MGAT4C: variants seen among roughly 807,000 people sequenced by gnomAD.
MGAT4C encodes the protein alpha-1,3-mannosyl-glycoprotein 4-beta-N-acetylglucosaminyltransferase C.
In MGAT4C, 19 loss-of-function variants were observed where a neutral mutation model predicts 40.1. The observed-to-expected ratio is 0.47, with a 90% CI of 0.33 to 0.70. The LOEUF (loss-of-function observed/expected upper bound fraction) is 0.70, where lower values mean the gene tolerates loss of function less well. Among genes scored for constraint, MGAT4C ranks in the 30% least tolerant of loss-of-function variants. The pLI, the probability that MGAT4C is intolerant of heterozygous loss-of-function variation, is 0.02. For missense variants in MGAT4C, 491 were observed against 563.2 expected (o/e 0.87, Z 1.30); for synonymous variants, 181 against 187.1 (o/e 0.97, Z 0.27).
Position 86,833,282 on chromosome 12 carries a change from A to G in MGAT4C, c.-262+5384T>C, listed in dbSNP as rs1399454619. ...TAATTTTTAAATTTTTAACAGTGAA[A>G]GAGAGGGAGGAGAAAGAGAACACAG... On this transcript the variant is annotated intron_variant, in intron 1 of 7. Transcript: ENST00000548651. Among the ~76,000 whole-genome samples, 4 of 152,006 alleles carry G rather than the reference A, an allele frequency of 2.6e-5. No individual in the cohort carries two copies. The Admixed American group carries it at 2.6e-4, about 10-fold the overall frequency.
intron 1 of MGAT4C, among the ~76,000 whole-genome samples, chr12:86,191,792 T>TGTGTGTGG (rs1889529591): frequency 2.5e-5 from 1 of 39,280 alleles, no homozygotes; most frequent in African/African-American, 1.0e-4. Flanking sequence ...GTGTGTGGTG[T>TGTGTGTGG]TTTCAGGATA....
chr12:86,029,390 A>G (rs1016764209), intron 2 of MGAT4C, among the ~76,000 whole-genome samples: 1 of 151,942 alleles, frequency 6.6e-6, no homozygotes, highest in East Asian at 1.9e-4. Context: ...TATGCTTTTT[A>G]AACAGTACAT....
chr12:86,147,565 T>G (rs1168185671), intron 1 of MGAT4C, among the ~76,000 whole-genome samples: 2 of 152,198 alleles, frequency 1.3e-5, no homozygotes, highest in Non-Finnish European at 2.9e-5. Flanking sequence ...ACAGTACATT[T>G]TTAAATATTA....
At chr12:86,564,979 A>G (rs1366090236) in intron 2 of MGAT4C, among the ~76,000 whole-genome samples, 1 of 152,148 alleles carries the variant, frequency 6.6e-6, no homozygotes, top group Non-Finnish European at 1.5e-5. Flanking sequence ...TAGGTGAATT[A>G]CAGCAGAGGC....
chr12:86,617,701 T>TG (rs1344272041), intron 2 of MGAT4C, among the ~76,000 whole-genome samples: 2 of 133,564 alleles, frequency 1.5e-5, no homozygotes, highest in Non-Finnish European at 3.2e-5. Context: ...AAAAAATAAT[T>TG]GAAAAAAAAA....
intron 3 of MGAT4C, among the ~76,000 whole-genome samples, chr12:86,357,265 C>T (rs1955336358): frequency 6.6e-6 from 1 of 152,130 alleles, no homozygotes. Context: ...AGGGTCCTGA[C>T]TATTAGAAGG....
chr12:86,162,800 C>G (rs191152901), intron 1 of MGAT4C, among the ~76,000 whole-genome samples: 2 of 152,168 alleles, frequency 1.3e-5, no homozygotes, highest in East Asian at 3.9e-4. Context: ...AGCTAAATAA[C>G]TTGTTAGTTT....
intron 1 of MGAT4C, among the ~76,000 whole-genome samples, chr12:86,783,773 T>A (rs2136186116): frequency 6.6e-6 from 1 of 152,274 alleles, no homozygotes; most frequent in East Asian, 1.9e-4. Flanking sequence ...TTTGGTACAC[T>A]TACAATCTCA....
chr12:85,988,188 T>C (rs1202554961), intron 3 of MGAT4C, among the ~76,000 whole-genome samples: 1 of 152,138 alleles, frequency 6.6e-6, no homozygotes. Context: ...AGAGAAACAT[T>C]AAGGGTCCAC....
chr12:86,123,674 T>C (rs1302908463), intron 1 of MGAT4C, among the ~76,000 whole-genome samples: 1 of 152,106 alleles, frequency 6.6e-6, no homozygotes, highest in Non-Finnish European at 1.5e-5. Context: ...TGTGAAGTTT[T>C]TCTTTGTCTG....
At position 85,963,037 on chromosome 12, in the gene MGAT4C, C is replaced by A. The variant is rs1192752604; in HGVS notation, c.*16252G>T. ...TCCAAAAGAATTTAATTAATATAAA[C>A]AATAAATTCACTTAAACAACTATTT... On this transcript the variant is annotated 3_prime_UTR_variant, in exon 5 of 5. Transcript: ENST00000611864. The A allele has an allele frequency of 6.6e-6, 1 of 151,658 alleles. No homozygotes were observed. Among genetic ancestry groups the A allele is most frequent in the African/African-American group, 2.4e-5 (1 of 41,366 alleles). The allele number at this position is 151,658 out of a possible 1,614,324, so 9.4% of individuals were successfully genotyped here.
chr12:86,260,629 T>C (rs2136095168), upstream of MGAT4C, among the ~76,000 whole-genome samples: 1 of 152,212 alleles, frequency 6.6e-6, no homozygotes, highest in East Asian at 1.9e-4. Flanking sequence ...ATAGCTCCAC[T>C]ATTAGAATTG....
At chr12:86,737,342 C>CTTTTT (rs36112885) in intron 1 of MGAT4C, among the ~76,000 whole-genome samples, 1 of 131,214 alleles carries the variant, frequency 7.6e-6, no homozygotes, top group Non-Finnish European at 1.6e-5. Context: ...AACTAAAATA[C>CTTTTT]TTTTTTTTTT....
chr12:86,570,228 G>C (rs1026346647), intron 2 of MGAT4C, among the ~76,000 whole-genome samples: 2 of 152,032 alleles, frequency 1.3e-5, no homozygotes, highest in African/African-American at 2.4e-5. Flanking sequence ...TAGTGAAGTA[G>C]TGCATATGTA....
At chr12:86,699,753 T>C (rs1403146932) in intron 2 of MGAT4C, among the ~76,000 whole-genome samples, 1 of 151,990 alleles carries the variant, frequency 6.6e-6, no homozygotes, top group Non-Finnish European at 1.5e-5. Flanking sequence ...GAGAAAAAAA[T>C]GTCATTAAGG....
intron 2 of MGAT4C, among the ~76,000 whole-genome samples, chr12:86,599,426 C>T (rs1267017968): frequency 6.6e-6 from 1 of 152,062 alleles, no homozygotes; most frequent in Non-Finnish European, 1.5e-5. Context: ...TACCTGTCTA[C>T]AAACGCAAGA....
intron 2 of MGAT4C, among the ~76,000 whole-genome samples, chr12:86,035,182 C>T (rs1891114636): frequency 6.7e-6 from 1 of 150,114 alleles, no homozygotes; most frequent in Admixed American, 6.7e-5. Flanking sequence ...ATTTACACTC[C>T]TACCAGCAGT....
At chr12:86,086,632 G>T (rs1871902455) in intron 1 of MGAT4C, among the ~76,000 whole-genome samples, 1 of 151,858 alleles carries the variant, frequency 6.6e-6, no homozygotes, top group South Asian at 2.1e-4. Flanking sequence ...TAGTGTAACT[G>T]GGGTATCCAT....
intron 2 of MGAT4C, among the ~76,000 whole-genome samples, chr12:86,610,556 T>G (rs1962214451): frequency 3.0e-4 from 2 of 6,632 alleles, no homozygotes; most frequent in Admixed American, 6.8e-3. Context: ...GTTTTTTTGT[T>G]TTTTGTTTTT....
Sources: allele counts gnomAD v4.1 joint callset (sites outside exome capture counted in the v4.1 genomes callset), GRCh38; gene constraint gnomAD v4.1.1; transcripts MANE v1.5; gene names NCBI Gene and HGNC (gene_info 2026-07-23, HGNC 2026-07-21).